SPTLC3: variants seen among roughly 807,000 people sequenced by gnomAD.
SPTLC3 encodes serine palmitoyltransferase 3.
Under a neutral mutation model 59.3 loss-of-function variants are expected in SPTLC3, and 36 were observed. The observed-to-expected ratio is 0.61, with a 90% CI of 0.47 to 0.80. SPTLC3 has a LOEUF of 0.80. Among genes scored for constraint, SPTLC3 ranks in the 30% least tolerant of loss-of-function variants. The pLI is 0.00. For synonymous variants in SPTLC3, 257 were observed against 240.8 expected, an observed-to-expected ratio of 1.07 and a Z score of -0.62; for missense variants, 625 against 685.1, an observed-to-expected ratio of 0.91 and a Z score of 0.98.
chr20:13,079,351 T>G (rs868605275), intron 4 of SPTLC3, among the ~76,000 whole-genome samples: 17 of 152,272 alleles, frequency 1.1e-4, no homozygotes, highest in Middle Eastern at 3.4e-3. Flanking sequence ...GATCAATGAT[T>G]TCATGATTAG....
rs543518058 is a variant in SPTLC3 at position 13,057,903 on chromosome 20, T to C, written c.303+8773T>C. Among the ~76,000 whole-genome samples the C allele has an allele frequency of 6.6e-5, 10 of 152,352 alleles. No homozygotes were observed. The South Asian group carries it at 1.9e-3, about 28-fold the overall frequency. On this transcript the variant is annotated intron_variant, in intron 2 of 11. Coordinates refer to ENST00000399002, the MANE Select transcript of SPTLC3 (RefSeq NM_018327.4). The stretch of plus-strand genomic sequence containing the variant: ...AATGTCAGCAAATATAATCAATTAA[T>C]GTCGAGCATCATCAGAGATTAGAAA...
intron 9 of SPTLC3, among the ~76,000 whole-genome samples, chr20:13,130,113 T>C (rs527520735): frequency 6.6e-6 from 1 of 152,374 alleles, no homozygotes; most frequent in South Asian, 2.1e-4. Flanking sequence ...CTGACACATC[T>C]TTTGAAGCAG....
At chr20:13,051,216 C>A (rs367648559) in intron 2 of SPTLC3, among the ~76,000 whole-genome samples, 98 of 1,632 alleles carry the variant, frequency 0.06, no homozygotes, top group South Asian at 0.5. Flanking sequence ...CACATAAGGA[C>A]TCACATAAAC....
chr20:13,028,145 A>C (rs1251554165), intron 1 of SPTLC3, among the ~76,000 whole-genome samples: 2 of 152,174 alleles, frequency 1.3e-5, no homozygotes, highest in Non-Finnish European at 2.9e-5. Context: ...CTACTTTGAT[A>C]ATTAGTCCTA....
chr20:13,061,504 CA>C (rs1283577136), intron 2 of SPTLC3, among the ~76,000 whole-genome samples: 11 of 152,144 alleles, frequency 7.2e-5, no homozygotes, highest in African/African-American at 2.7e-4. Context: ...AGCTCACAGT[CA>C]TCAGCAGTCA....
intron 2 of SPTLC3, among the ~76,000 whole-genome samples, chr20:13,061,043 A>C (rs537651272): frequency 1.3e-5 from 2 of 152,298 alleles, no homozygotes; most frequent in Non-Finnish European, 2.9e-5. Flanking sequence ...ACTGTTTTCC[A>C]TAGAAGTTGT....
intron 10 of SPTLC3, among the ~76,000 whole-genome samples, chr20:13,158,534 A>G (rs577783628): frequency 2.6e-4 from 39 of 152,306 alleles, no homozygotes; most frequent in Non-Finnish European, 4.7e-4. Context: ...TACTCTAGCA[A>G]TAAAAGCACT....
rs1397056104 is a variant in SPTLC3 at position 13,064,259 on chromosome 20, C to CT, written c.304-7992dup. ...CATTAATTAAATAGTTCTTTTTTTTCTTTTTCCTTTTCTTTTTTTTTTTTG... is the reference window on the plus strand; with the variant it reads ...CATTAATTAAATAGTTCTTTTTTTTCTTTTTTCCTTTTCTTTTTTTTTTTTG... On this transcript the variant is annotated intron_variant, in intron 2 of 11. Coordinates refer to ENST00000399002, the MANE Select transcript of SPTLC3 (RefSeq NM_018327.4). 1.5e-4 allele frequency among the ~76,000 whole-genome samples: 11 copies of CT among 71,808 alleles called. No individual in the cohort carries two copies. The East Asian group carries it at 2.4e-3, about 16-fold the overall frequency. 47.1% of individuals were successfully genotyped at this position (71,808 alleles called of 152,430 possible).
At chr20:13,144,528 A>C (rs2038460486) in intron 9 of SPTLC3, among the ~76,000 whole-genome samples, 1 of 152,234 alleles carries the variant, frequency 6.6e-6, no homozygotes, top group Non-Finnish European at 1.5e-5. Flanking sequence ...AACCTAACGC[A>C]CAAATCTATT....
intron 2 of SPTLC3, among the ~76,000 whole-genome samples, chr20:13,058,213 T>C (rs1211439332): frequency 6.6e-6 from 1 of 152,198 alleles, no homozygotes; most frequent in Admixed American, 6.5e-5. Context: ...TAAATTGTTA[T>C]TTTGCATCCA....
At chr20:13,163,761 A>T (rs2038942885) in intron 11 of SPTLC3, among the ~76,000 whole-genome samples, 1 of 151,998 alleles carries the variant, frequency 6.6e-6, no homozygotes, top group African/African-American at 2.4e-5. Context: ...AACAACCCTC[A>T]CCTTACCTTT....
chr20:13,097,941 G>A (rs1989478032), intron 6 of SPTLC3, among the ~76,000 whole-genome samples: 1 of 152,118 alleles, frequency 6.6e-6, no homozygotes, highest in East Asian at 1.9e-4. Context: ...ATTGGAAGAT[G>A]CATGGTAAAT....
At chr20:13,099,974 G>A (rs980818307) in intron 6 of SPTLC3, among the ~76,000 whole-genome samples, 3 of 152,188 alleles carry the variant, frequency 2.0e-5, no homozygotes, top group African/African-American at 7.2e-5. Flanking sequence ...GGAATTTCAT[G>A]CAACTCTAAA....
At chr20:13,057,659 G>C (rs1452347806) in intron 2 of SPTLC3, among the ~76,000 whole-genome samples, 3 of 152,148 alleles carry the variant, frequency 2.0e-5, no homozygotes, top group Non-Finnish European at 4.4e-5. Context: ...GCACTAAAAA[G>C]CTCAAGTTAG....
At chr20:13,032,240 T>C (rs1201555511) in intron 1 of SPTLC3, among the ~76,000 whole-genome samples, 1 of 152,186 alleles carries the variant, frequency 6.6e-6, no homozygotes, top group African/African-American at 2.4e-5. Context: ...AATGCAGCCA[T>C]TGCAGGATGG....
intron 1 of SPTLC3, among the ~76,000 whole-genome samples, chr20:13,030,796 A>G (rs1443949727): frequency 2.0e-5 from 3 of 152,056 alleles, no homozygotes; most frequent in South Asian, 2.1e-4. Context: ...TGCCTGGAAG[A>G]CTTTTTATTC....
chr20:13,097,087 G>C (rs112018116), intron 6 of SPTLC3, among the ~76,000 whole-genome samples: 1 of 152,030 alleles, frequency 6.6e-6, no homozygotes, highest in Non-Finnish European at 1.5e-5. Context: ...TATTACCCTC[G>C]TCATTGTCAT....
At chr20:13,037,829 C>T (rs1306974331) in intron 1 of SPTLC3, among the ~76,000 whole-genome samples, 2 of 152,096 alleles carry the variant, frequency 1.3e-5, no homozygotes, top group Non-Finnish European at 2.9e-5. Flanking sequence ...CATTGAAGAT[C>T]AGGCACCACT....
intron 1 of SPTLC3, among the ~76,000 whole-genome samples, chr20:13,045,916 A>G (rs1312403937): frequency 2.6e-5 from 4 of 152,124 alleles, no homozygotes; most frequent in African/African-American, 9.7e-5. Context: ...ATTTGGTTAC[A>G]GGTGAAGCTC....
Sources: allele counts gnomAD v4.1 joint callset (sites outside exome capture counted in the v4.1 genomes callset), GRCh38; gene constraint gnomAD v4.1.1; transcripts MANE v1.5; gene names NCBI Gene and HGNC (gene_info 2026-07-23, HGNC 2026-07-21).